The following SRBD1 variants were observed in gnomAD, a reference collection of about 807,000 sequenced individuals.
SRBD1 encodes S1 RNA binding domain 1, also known as S1 RNA-binding domain-containing protein 1.
A neutral mutation model predicts 115.3 loss-of-function variants in SRBD1; 88 were observed. The observed-to-expected ratio is 0.76, with a 90% CI of 0.64 to 0.91. The LOEUF is 0.91. SRBD1 is among the 40% of genes least tolerant of loss of function. The pLI is 0.00. For synonymous variants in SRBD1, 509 were observed against 407.7 expected (o/e 1.25, Z -2.99); for missense variants, 1,385 against 1,177.4 (o/e 1.18, Z -2.58).
At chr2:45,479,762 T>C (rs991981048) in intron 15 of SRBD1, among the ~76,000 whole-genome samples, 1 of 152,204 alleles carries the variant, frequency 6.6e-6, no homozygotes, top group Admixed American at 6.5e-5. Flanking sequence ...AAACAGCAGA[T>C]TGTCAATGTA....
intron 6 of SRBD1, 132 bp from the exon 7 acceptor site, chr2:45,580,145 G>C: frequency 1.4e-6 from 1 of 728,360 alleles, no homozygotes; most frequent in Non-Finnish European, 2.0e-6. Flanking sequence ...TTCCTTCAGA[G>C]ATGAATTAAA....
intron 18 of SRBD1, among the ~76,000 whole-genome samples, chr2:45,417,911 A>G (rs1382341440): frequency 2.0e-5 from 3 of 152,196 alleles, no homozygotes; most frequent in Admixed American, 6.5e-5. Flanking sequence ...AATACACCAA[A>G]GTTGGTCCTG....
chr2:45,598,506 C>T (rs1281425642), intron 4 of SRBD1, among the ~76,000 whole-genome samples: 3 of 151,314 alleles, frequency 2.0e-5, no homozygotes, highest in African/African-American at 7.3e-5. Context: ...CCCAGCTACT[C>T]GGGAGGCTGA....
chr2:45,412,664 TTC>T (rs1335226565), intron 19 of SRBD1, among the ~76,000 whole-genome samples: 1 of 152,212 alleles, frequency 6.6e-6, no homozygotes, highest in Non-Finnish European at 1.5e-5. Context: ...CCCCATGTCA[TTC>T]TGTTAATGTA....
At chr2:45,597,637 T>C (rs979883075) in intron 4 of SRBD1, among the ~76,000 whole-genome samples, 2 of 152,212 alleles carry the variant, frequency 1.3e-5, no homozygotes, top group Non-Finnish European at 2.9e-5. Flanking sequence ...TAACAGCACC[T>C]TCTCTGAGTC....
intron 3 of SRBD1, among the ~76,000 whole-genome samples, chr2:45,600,291 T>C (rs551663059): frequency 3.4e-5 from 5 of 145,156 alleles, no homozygotes; most frequent in Non-Finnish European, 6.0e-5. Context: ...TACTATAGAT[T>C]TGCAAGATGC....
chr2:45,470,923 C>T (rs1160466888), intron 16 of SRBD1, among the ~76,000 whole-genome samples: 1 of 152,114 alleles, frequency 6.6e-6, no homozygotes, highest in African/African-American at 2.4e-5. Flanking sequence ...TGTTATTAAA[C>T]CAAAAGTATT....
At chr2:45,503,352 C>T (rs563687131) in intron 14 of SRBD1, among the ~76,000 whole-genome samples, 12 of 152,070 alleles carry the variant, frequency 7.9e-5, no homozygotes, top group South Asian at 2.1e-4. Flanking sequence ...TGGATTGCTG[C>T]GCCAGTGTTT....
chr2:45,448,691 T>C (rs1668902053), intron 16 of SRBD1, among the ~76,000 whole-genome samples: 1 of 152,214 alleles, frequency 6.6e-6, no homozygotes, highest in Non-Finnish European at 1.5e-5. Flanking sequence ...TAACTATTTT[T>C]CACCTCTTGA....
At chr2:45,442,066 C>G (rs966335928) in intron 16 of SRBD1, among the ~76,000 whole-genome samples, 2 of 152,176 alleles carry the variant, frequency 1.3e-5, no homozygotes, top group African/African-American at 4.8e-5. Flanking sequence ...TCGCTTCAAA[C>G]ATGAACTAAA....
chr2:45,546,298 T>C lies in SRBD1; in HGVS notation c.1874+434A>G, dbSNP rs371183227. The C allele has an allele frequency of 3.2e-5, 32 of 985,454 alleles. No homozygotes were observed. The South Asian group carries it at 1.4e-3, about 42-fold the overall frequency. 61.0% of individuals were successfully genotyped at this position (985,454 alleles called of 1,614,324 possible). A position where few individuals can be genotyped will look rare whatever the true frequency, so the allele number is the denominator to read the frequency against. ...TGAGGAAAGAATACTGGAAATACTT[T>C]TTAATTCATAATACTTACCTTGGCT... is the stretch of plus-strand genomic sequence containing the variant. On this transcript the variant is annotated intron_variant, in intron 14 of 20. Coordinates refer to ENST00000263736, the MANE Select transcript of SRBD1 (RefSeq NM_018079.5).
intron 18 of SRBD1, 54 bp from the exon 19 acceptor site, chr2:45,413,347 A>C: frequency 6.4e-7 from 1 of 1,557,884 alleles, no homozygotes; most frequent in Non-Finnish European, 8.7e-7. Context: ...TTGGGCAGAA[A>C]AGTCTTCAAA....
At chr2:45,427,144 A>C (rs1047431744) in intron 16 of SRBD1, among the ~76,000 whole-genome samples, 27 of 152,238 alleles carry the variant, frequency 1.8e-4, no homozygotes, top group African/African-American at 6.5e-4. Flanking sequence ...AAAAATAAGC[A>C]GGGGTTGCAA....
chr2:45,517,166 C>A (rs941074575), intron 14 of SRBD1, among the ~76,000 whole-genome samples: 3 of 152,122 alleles, frequency 2.0e-5, no homozygotes, highest in Non-Finnish European at 4.4e-5. Flanking sequence ...AATTAAATAT[C>A]ATTTAAACAG....
intron 19 of SRBD1, among the ~76,000 whole-genome samples, chr2:45,394,581 A>G (rs181968883): frequency 2.0e-5 from 3 of 152,350 alleles, no homozygotes. Context: ...TATCAAAAAA[A>G]GAATGCTTGT....
intron 4 of SRBD1, 91 bp downstream of exon 4, chr2:45,599,358 C>A: frequency 1.3e-6 from 2 of 1,494,284 alleles, no homozygotes; most frequent in Non-Finnish European, 1.8e-6. Flanking sequence ...ATTGAAAACC[C>A]CCAGCCCTTC....
At chr2:45,557,026 C>A (rs1672501206) in intron 10 of SRBD1, among the ~76,000 whole-genome samples, 1 of 151,786 alleles carries the variant, frequency 6.6e-6, no homozygotes, top group Non-Finnish European at 1.5e-5. Flanking sequence ...TGTAGTTTGC[C>A]AAGCAAGACA....
At chr2:45,421,590 A>C (rs1336203724) in intron 16 of SRBD1, among the ~76,000 whole-genome samples, 4 of 149,630 alleles carry the variant, frequency 2.7e-5, no homozygotes, top group African/African-American at 9.8e-5. Flanking sequence ...CAATATTTTA[A>C]AGTATTTGTT....
rs3816107 is a variant in SRBD1 at position 45,553,823 on chromosome 2, C to G, written c.1410-93G>C. The G allele has an allele frequency of 0.52, 339,974 of 653,772 alleles. 92,325 individuals carry two copies. The highest frequency in any genetic ancestry group is 0.74 in the African/African-American group (39,973 of 54,244). 40.5% of individuals were successfully genotyped at this position (653,772 alleles called of 1,614,324 possible). A position where few individuals can be genotyped will look rare whatever the true frequency, so the allele number is the denominator to read the frequency against. On this transcript the variant is annotated intron_variant, in intron 10 of 20. Coordinates refer to ENST00000263736, the MANE Select transcript of SRBD1 (RefSeq NM_018079.5). Reference sequence around the variant, plus strand: ...AAAGAAGGGAGATGGAATACAGAAGCGGGGAAAACCTTTATTGAAGCCAAA... The same window carrying G: ...AAAGAAGGGAGATGGAATACAGAAGGGGGGAAAACCTTTATTGAAGCCAAA...
Sources: gnomAD v4.1 joint callset for allele counts (sites outside exome capture counted in the v4.1 genomes callset) on GRCh38, gnomAD v4.1.1 for gene constraint, MANE v1.5 for transcripts, NCBI Gene and HGNC (gene_info 2026-07-23, HGNC 2026-07-21) for gene names.